The following PRDM16 variants were observed in gnomAD, a reference collection of about 807,000 sequenced individuals.
The protein encoded by PRDM16 is histone-lysine N-methyltransferase PRDM16.
Under a neutral mutation model 110.6 loss-of-function variants are expected in PRDM16, and 23 were observed. The ratio of observed to expected loss-of-function variants is 0.21; its 90% confidence interval spans 0.15 to 0.29. The LOEUF (loss-of-function observed/expected upper bound fraction) is 0.29. Among genes scored for constraint, PRDM16 ranks in the 10% least tolerant of loss-of-function variants. The pLI is 1.00. For missense variants in PRDM16, 1,615 were observed against 1,794.3 expected (o/e 0.90, Z 1.81); for synonymous variants, 799 against 781.8 (o/e 1.02, Z -0.37).
intron 1 of PRDM16, among the ~76,000 whole-genome samples, chr1:3,102,242 G>A (rs140069303): frequency 2.1e-4 from 32 of 152,300 alleles, no homozygotes; most frequent in South Asian, 2.1e-4. Context: ...CCTCCCCAGC[G>A]GGGCTGGGAG....
intron 1 of PRDM16, among the ~76,000 whole-genome samples, chr1:3,082,326 C>T (rs958497655): frequency 1.3e-5 from 2 of 152,172 alleles, no homozygotes; most frequent in Non-Finnish European, 2.9e-5. Flanking sequence ...TCCAGGAGGG[C>T]GCCTCGGGGT....
At chr1:3,314,246 G>T (rs1249370407) in intron 3 of PRDM16, among the ~76,000 whole-genome samples, 4 of 152,136 alleles carry the variant, frequency 2.6e-5, no homozygotes, top group Non-Finnish European at 4.4e-5. Flanking sequence ...GTGTGTCTGG[G>T]TGGCAGTTTA....
intron 3 of PRDM16, among the ~76,000 whole-genome samples, chr1:3,373,527 T>C (rs77352686): frequency 0.023 from 3,532 of 152,204 alleles, 127 homozygotes; most frequent in African/African-American, 0.078. Context: ...TACGCAGCCA[T>C]GGAAATCCGT....
In PRDM16 at chr1:3,321,990, GTGTGTGTGAGTGCGTACGTT is replaced by G. The variant is rs549836476; in HGVS notation, c.439-63148_439-63129del. Among the ~76,000 whole-genome samples the G allele has an allele frequency of 2.2e-3, 333 of 151,862 alleles. 1 individual carries two copies. The highest frequency in any genetic ancestry group is 7.1e-3 in the African/African-American group (295 of 41,376). On this transcript the variant is annotated intron_variant, in intron 3 of 16. Transcript: ENST00000270722. ...ACTGTATATTTGTGTGGGGGTGCAT[GTGTGTGTGAGTGCGTACGTT>G]TGTGTGTGAGTGCAGATGTGTGTGA...
At chr1:3,177,309 T>A (rs1479178249) in intron 1 of PRDM16, among the ~76,000 whole-genome samples, 1 of 152,226 alleles carries the variant, frequency 6.6e-6, no homozygotes, top group African/African-American at 2.4e-5. Flanking sequence ...CTGCTGGACA[T>A]GACGAAGGCC....
chr1:3,401,590 G>A (rs1477342010), intron 5 of PRDM16, among the ~76,000 whole-genome samples: 4 of 152,000 alleles, frequency 2.6e-5, no homozygotes, highest in East Asian at 1.9e-4. Context: ...ACCCATTGGC[G>A]CACACACACA....
At chr1:3,183,749 A>T (rs1194265884) in intron 1 of PRDM16, among the ~76,000 whole-genome samples, 6 of 152,226 alleles carry the variant, frequency 3.9e-5, no homozygotes, top group Non-Finnish European at 2.9e-5. Context: ...TCAAACAGAA[A>T]AAAGCCATGT....
intron 3 of PRDM16, among the ~76,000 whole-genome samples, chr1:3,292,116 A>C (rs1019127314): frequency 6.6e-6 from 1 of 152,274 alleles, no homozygotes; most frequent in Non-Finnish European, 1.5e-5. Context: ...CCTTGGCAGG[A>C]TGCTGGCCTC....
In PRDM16 at chr1:3,412,251, C is replaced by T; in HGVS notation, c.2054C>T (p.Ala685Val). Residue 685 changes from alanine to valine, a missense_variant, in exon 9 of 17, where the codon GCA becomes GTA. Transcript: ENST00000270722. ...FPPPDEQLLT[A>V]TGAAGDSIKA... ...CCACCCGACGAGCAGCTGCTGACTG[C>T]AACGGGCGCCGCCGGGGACTCCATC... The T allele has an allele frequency of 6.2e-7, 1 of 1,611,836 alleles. No individual in the cohort carries two copies. The highest frequency in any genetic ancestry group is 8.5e-7 in the Non-Finnish European group (1 of 1,178,792).
At chr1:3,149,431 C>T (rs1217780461) in intron 1 of PRDM16, among the ~76,000 whole-genome samples, 1 of 152,124 alleles carries the variant, frequency 6.6e-6, no homozygotes, top group Non-Finnish European at 1.5e-5. Context: ...ACTATGAGGT[C>T]TACCCACACG....
At chr1:3,305,625 A>G (rs1312310055) in intron 3 of PRDM16, among the ~76,000 whole-genome samples, 1 of 152,228 alleles carries the variant, frequency 6.6e-6, no homozygotes, top group Non-Finnish European at 1.5e-5. Flanking sequence ...ACATAGCTGA[A>G]TGCTTCAGCT....
chr1:3,090,637 C>A (rs1040162510), intron 1 of PRDM16, among the ~76,000 whole-genome samples: 1 of 152,250 alleles, frequency 6.6e-6, no homozygotes, highest in Non-Finnish European at 1.5e-5. Context: ...TGTCCCTGGG[C>A]AGACTCGGCC....
intron 1 of PRDM16, among the ~76,000 whole-genome samples, chr1:3,169,487 C>T (rs763957013): frequency 6.6e-6 from 1 of 152,162 alleles, no homozygotes; most frequent in East Asian, 1.9e-4. Flanking sequence ...ACCCCTCTCC[C>T]GTGCACAGCC....
chr1:3,422,365 A>G (rs952874003), intron 12 of PRDM16, among the ~76,000 whole-genome samples: 62 of 151,900 alleles, frequency 4.1e-4, no homozygotes, highest in Non-Finnish European at 6.8e-4. Flanking sequence ...GCAAGCAGGC[A>G]GACTGGCAGG....
chr1:3,114,396 ACG>A (rs780542051), intron 1 of PRDM16, among the ~76,000 whole-genome samples: 40 of 137,626 alleles, frequency 2.9e-4, no homozygotes, highest in Middle Eastern at 4.2e-3. Context: ...ACGCGCACGC[ACG>A]CGCACACACA....
chr1:3,185,819 C>G (rs1644260568), intron 1 of PRDM16, among the ~76,000 whole-genome samples: 1 of 152,250 alleles, frequency 6.6e-6, no homozygotes, highest in Non-Finnish European at 1.5e-5. Context: ...CCGGCGCATC[C>G]TCAGGTGGCT....
At chr1:3,229,188 C>T (rs1639354593) in intron 2 of PRDM16, among the ~76,000 whole-genome samples, 2 of 152,318 alleles carry the variant, frequency 1.3e-5, no homozygotes, top group African/African-American at 4.8e-5. Flanking sequence ...GAGAGGAAGG[C>T]GCCTCTTCCG....
intron 3 of PRDM16, among the ~76,000 whole-genome samples, chr1:3,337,869 C>T (rs529866151): frequency 2.6e-5 from 4 of 152,270 alleles, no homozygotes; most frequent in Admixed American, 1.3e-4. Context: ...AAAAGTCACA[C>T]GCACAGGCCC....
intron 3 of PRDM16, among the ~76,000 whole-genome samples, chr1:3,378,911 G>A (rs924946666): frequency 3.0e-4 from 45 of 151,950 alleles, no homozygotes; most frequent in Non-Finnish European, 6.2e-4. Flanking sequence ...CCTCCTTCAG[G>A]AGTTCCCAGA....
Sources: gnomAD v4.1 joint callset for allele counts (sites outside exome capture counted in the v4.1 genomes callset) on GRCh38, gnomAD v4.1.1 for gene constraint, MANE v1.5 for transcripts, NCBI Gene and HGNC (gene_info 2026-07-23, HGNC 2026-07-21) for gene names.